The following RYR2 variants were observed in gnomAD, a reference collection of about 807,000 sequenced individuals.
RYR2 encodes the protein ryanodine receptor 2, also known as cardiac muscle ryanodine receptor-calcium release channel.
In RYR2, 227 loss-of-function variants were observed where a neutral mutation model predicts 601.1. The ratio of observed to expected loss-of-function variants is 0.38; its 90% CI spans 0.34 to 0.42. The LOEUF (loss-of-function observed/expected upper bound fraction) is 0.42, where lower values mean the gene tolerates loss of function less well. Among genes scored for constraint, RYR2 ranks in the 10% least tolerant of loss-of-function variants. The pLI is 1.00. For missense variants in RYR2, 4,646 were observed against 6,156.5 expected (o/e 0.75, Z 8.21); for synonymous variants, 2,223 against 2,175.1 (o/e 1.02, Z -0.61).
intron 68 of RYR2, 70 bp downstream of exon 68, chr1:237,707,339 A>G: frequency 1.3e-6 from 1 of 780,634 alleles, no homozygotes; most frequent in East Asian, 2.9e-5. Flanking sequence ...AAATACATAA[A>G]CTAGAATTTT....
At chr1:237,068,007 A>G (rs1663858813) in intron 1 of RYR2, among the ~76,000 whole-genome samples, 1 of 150,706 alleles carries the variant, frequency 6.6e-6, no homozygotes, top group Admixed American at 6.6e-5. Context: ...TCAACATTGC[A>G]TACCTTGATT....
chr1:237,272,121 T>C, intron 2 of RYR2, among the ~76,000 whole-genome samples: 1 of 151,846 alleles, frequency 6.6e-6, no homozygotes, highest in South Asian at 2.1e-4. Context: ...CAGAGCAAGA[T>C]TCTGTCAAAA....
intron 56 of RYR2, among the ~76,000 whole-genome samples, chr1:237,665,695 T>C (rs867043778): frequency 6.6e-6 from 1 of 152,244 alleles, no homozygotes; most frequent in African/African-American, 2.4e-5. Flanking sequence ...ACCCGTAAGT[T>C]AAGTATCGCT....
chr1:237,447,365 A>C (rs1657492067), intron 14 of RYR2, among the ~76,000 whole-genome samples: 1 of 152,220 alleles, frequency 6.6e-6, no homozygotes, highest in African/African-American at 2.4e-5. Context: ...TTGGAAGAAT[A>C]ATTTTAAAAT....
intron 27 of RYR2, among the ~76,000 whole-genome samples, chr1:237,557,277 C>T (rs1331643828): frequency 6.6e-6 from 1 of 152,170 alleles, no homozygotes; most frequent in African/African-American, 2.4e-5. Flanking sequence ...GTTACAATTA[C>T]TTCTATTATA....
At chr1:237,585,740 A>G (rs1262555666) in intron 29 of RYR2, among the ~76,000 whole-genome samples, 1 of 152,224 alleles carries the variant, frequency 6.6e-6, no homozygotes, top group South Asian at 2.1e-4. Context: ...AAAATATGCT[A>G]GTTTCTACCT....
chr1:237,771,013 G>C (rs886478117), intron 85 of RYR2, 126 bp downstream of exon 85: 2 of 509,832 alleles, frequency 3.9e-6, no homozygotes, highest in Non-Finnish European at 6.9e-6. Context: ...TCTAGAGCAT[G>C]ACTCTGCATT....
chr1:237,419,934 T>C (rs1705390320), intron 11 of RYR2, among the ~76,000 whole-genome samples: 1 of 152,204 alleles, frequency 6.6e-6, no homozygotes, highest in Admixed American at 6.5e-5. Context: ...TTTAGCAATT[T>C]ATAGTGAAGA....
At chr1:237,774,945 A>G (rs1453683631) in intron 87 of RYR2, among the ~76,000 whole-genome samples, 1 of 151,712 alleles carries the variant, frequency 6.6e-6, no homozygotes, top group Non-Finnish European at 1.5e-5. Context: ...ATCGAAATCT[A>G]GAAGCATCCA....
At chr1:237,236,037 T>A (rs1169230139) in intron 1 of RYR2, among the ~76,000 whole-genome samples, 4 of 152,224 alleles carry the variant, frequency 2.6e-5, no homozygotes, top group Admixed American at 6.5e-5. Flanking sequence ...GAGCACATAC[T>A]TCTTTTCCAC....
intron 65 of RYR2, among the ~76,000 whole-genome samples, chr1:237,700,853 C>T (rs767300019): frequency 1.3e-5 from 2 of 152,278 alleles, no homozygotes; most frequent in Non-Finnish European, 2.9e-5. Context: ...TTTCTCCAAG[C>T]TTGACAATGT....
intron 19 of RYR2, 30 bp from the exon 20 acceptor site, chr1:237,496,481 T>C (rs769390979): frequency 2.1e-5 from 34 of 1,599,442 alleles, no homozygotes; most frequent in East Asian, 1.8e-4. Context: ...TTTTGGACTT[T>C]CCTTACATGT....
At chr1:237,754,613 C>G (rs1167234090) in intron 80 of RYR2, among the ~76,000 whole-genome samples, 1 of 152,136 alleles carries the variant, frequency 6.6e-6, no homozygotes, top group Non-Finnish European at 1.5e-5. Context: ...TTATCATTTT[C>G]TTACTGAAAA....
At chr1:237,725,675 A>G (rs1442806759) in intron 74 of RYR2, among the ~76,000 whole-genome samples, 3 of 152,058 alleles carry the variant, frequency 2.0e-5, no homozygotes, top group African/African-American at 2.4e-5. Context: ...ACAGATAACT[A>G]TTTACTTATC....
At chr1:237,254,176 G>T (rs1327474263) in intron 1 of RYR2, among the ~76,000 whole-genome samples, 1 of 151,758 alleles carries the variant, frequency 6.6e-6, no homozygotes, top group East Asian at 1.9e-4. Context: ...TCCTATGATG[G>T]TATACTAAAT....
chr1:237,326,340 A>G (rs186525944), intron 2 of RYR2, among the ~76,000 whole-genome samples: 36 of 152,164 alleles, frequency 2.4e-4, no homozygotes, highest in Admixed American at 2.2e-3. Context: ...TACCTTTCCC[A>G]AAGTATATAT....
intron 1 of RYR2, among the ~76,000 whole-genome samples, chr1:237,165,891 C>T (rs988000488): frequency 7.9e-5 from 12 of 152,074 alleles, no homozygotes; most frequent in African/African-American, 2.9e-4. Flanking sequence ...AGCCTGTTGT[C>T]AGGCAAGGGT....
rs183803000 is a variant in RYR2, at chr1:237,170,410, G to T, written c.49-100087G>T. ...GGTGGAAGGGAGAGGAGGCGGGTTC[G>T]GAATGAGGACTTGAACGATGATAAC... On this transcript the variant is annotated intron_variant, in intron 1 of 104. Coordinates refer to ENST00000366574, the MANE Select transcript of RYR2 (RefSeq NM_001035.3). 3.9e-5 allele frequency among the ~76,000 whole-genome samples: 6 copies of T among 152,252 alleles called. No individual in the cohort carries two copies. In the East Asian group the frequency reaches 1.2e-3, roughly 29 times the overall value.
At chr1:237,720,074 A>G (rs1689595998) in intron 73 of RYR2, among the ~76,000 whole-genome samples, 1 of 152,208 alleles carries the variant, frequency 6.6e-6, no homozygotes, top group African/African-American at 2.4e-5. Flanking sequence ...AGTTTTGGCA[A>G]TCCAGTGACC....
Sources: gnomAD v4.1 joint callset for allele counts (sites outside exome capture counted in the v4.1 genomes callset) on GRCh38, gnomAD v4.1.1 for gene constraint, MANE v1.5 for transcripts, NCBI Gene and HGNC (gene_info 2026-07-23, HGNC 2026-07-21) for gene names.